Variants in RBFOX1 observed in about 807,000 individuals in gnomAD.
The protein encoded by RBFOX1 is RNA binding protein fox-1 homolog 1.
In RBFOX1, 8 loss-of-function variants were observed where a neutral mutation model predicts 57.7. The observed-to-expected ratio is 0.14, with a 90% confidence interval of 0.08 to 0.25. RBFOX1 has a LOEUF of 0.25. RBFOX1 is among the 10% of genes least tolerant of loss of function. RBFOX1 has a pLI of 1.00. For missense variants in RBFOX1, 611 were observed against 548.5 expected, an observed-to-expected ratio of 1.11 and a Z score of -1.14; for synonymous variants, 326 against 222.4, an observed-to-expected ratio of 1.47 and a Z score of -4.15.
chr16:5,878,431 C>G (rs553087663), intron 4 of RBFOX1, among the ~76,000 whole-genome samples: 3 of 152,256 alleles, frequency 2.0e-5, no homozygotes, highest in Admixed American at 6.5e-5. Context: ...TTATGGGACC[C>G]ACTCAGGGCC....
intron 4 of RBFOX1, among the ~76,000 whole-genome samples, chr16:7,451,276 TCTG>T (rs1299764986): frequency 6.6e-6 from 1 of 152,246 alleles, no homozygotes; most frequent in Non-Finnish European, 1.5e-5. Flanking sequence ...ATGTACTTAT[TCTG>T]TGCAAATTCT....
At chr16:5,636,356 TTAAA>T (rs1422992052) in intron 3 of RBFOX1, among the ~76,000 whole-genome samples, 5 of 152,040 alleles carry the variant, frequency 3.3e-5, no homozygotes, top group African/African-American at 4.8e-5. Flanking sequence ...CTCAAAAAAA[TTAAA>T]TAAATAAAAA....
chr16:7,697,134 G>C (rs569417998), intron 14 of RBFOX1, among the ~76,000 whole-genome samples: 1 of 152,290 alleles, frequency 6.6e-6, no homozygotes, highest in African/African-American at 2.4e-5. Context: ...AACTGCCAAA[G>C]AACAGAAGAA....
rs189561002 is a variant in RBFOX1, at chr16:6,095,992, G to A, written c.-127+76000G>A. ...CCCAGGCCACGATGGGGAAGAGCCT[G>A]GCCTGCCCCAAAGGTGGCCCTTTCA... is the stretch of plus-strand genomic sequence containing the variant. On this transcript the variant is annotated intron_variant, in intron 1 of 15. Transcript: ENST00000550418. Among the ~76,000 whole-genome samples, 38 of 152,324 alleles carry A rather than the reference G, an allele frequency of 2.5e-4. No individual in the cohort carries two copies. In the East Asian group the frequency reaches 6.2e-3, roughly 25 times the overall value.
At chr16:5,499,369 C>G (rs984469728) in intron 2 of RBFOX1, among the ~76,000 whole-genome samples, 1 of 152,132 alleles carries the variant, frequency 6.6e-6, no homozygotes, top group Admixed American at 6.5e-5. Context: ...CTGTCCAGGT[C>G]TCGGATTCCT....
chr16:6,504,226 G>C (rs1033685284), intron 2 of RBFOX1, among the ~76,000 whole-genome samples: 11 of 152,176 alleles, frequency 7.2e-5, no homozygotes, highest in African/African-American at 1.2e-4. Context: ...CACCAACGGT[G>C]TTCTGACAAG....
At chr16:7,363,871 C>G (rs11865520) in intron 4 of RBFOX1, among the ~76,000 whole-genome samples, 26,874 of 151,904 alleles carry the variant, frequency 0.18, 3,825 homozygotes, top group African/African-American at 0.39. Flanking sequence ...GACGGGGCTG[C>G]TTAGCACATG....
chr16:5,963,173 A>G (rs17134932), intron 4 of RBFOX1, among the ~76,000 whole-genome samples: 4,016 of 152,304 alleles, frequency 0.026, 170 homozygotes, highest in African/African-American at 0.092. Flanking sequence ...AGATGCCCAC[A>G]TCCGTCTTTA....
chr16:6,931,291 GTCTGTCTATCTA>G (rs1246297182), intron 3 of RBFOX1, among the ~76,000 whole-genome samples: 16 of 124,036 alleles, frequency 1.3e-4, no homozygotes, highest in African/African-American at 4.0e-4. Flanking sequence ...CTGTCTGTCT[GTCTGTCTATCTA>G]TCTATCTATC....
At chr16:6,993,514 T>A (rs1475451668) in intron 3 of RBFOX1, among the ~76,000 whole-genome samples, 1 of 152,176 alleles carries the variant, frequency 6.6e-6, no homozygotes, top group Non-Finnish European at 1.5e-5. Context: ...GAATCTGTGA[T>A]CAGGAAACCT....
At position 6,911,981 on chromosome 16, in the gene RBFOX1, A is replaced by G. The variant is rs185950068; in HGVS notation, c.-15-140076A>G. ...TTTGAGGCTTGGGAGTAGAAAGAAC[A>G]AGAATAAAGATGTTAAGTAGAGTAA... On this transcript the variant is annotated intron_variant, in intron 3 of 15. Transcript: ENST00000550418. 2.4e-3 allele frequency among the ~76,000 whole-genome samples: 366 copies of G among 152,348 alleles called. 9 individuals carry two copies. Among genetic ancestry groups the G allele is most frequent in the Admixed American group, 0.023 (356 of 15,310 alleles).
At chr16:7,616,222 C>T (rs1381390935) in intron 10 of RBFOX1, among the ~76,000 whole-genome samples, 1 of 152,158 alleles carries the variant, frequency 6.6e-6, no homozygotes, top group African/African-American at 2.4e-5. Flanking sequence ...GAAAAATTAG[C>T]AAAGAGGAAA....
Position 5,909,089 on chromosome 16 carries a change from C to CTTTTTTTTTT in RBFOX1, c.351+41754_351+41755insTTTTTTTTTT, listed in dbSNP as rs1168067500. Among the ~76,000 whole-genome samples the CTTTTTTTTTT allele has an allele frequency of 2.8e-3, 220 of 79,386 alleles. 5 individuals are homozygous for CTTTTTTTTTT. The highest frequency in any genetic ancestry group is 7.7e-3 in the African/African-American group (210 of 27,438). The allele number at this position is 79,386 out of a possible 152,430, so 52.1% of individuals were successfully genotyped here. A position where few individuals can be genotyped will look rare whatever the true frequency, so the allele number is the denominator to read the frequency against. ...TATCGGCTCCAACAGACTAAGCCCC[C>CTTTTTTTTTT]CTTTTTTTTTTTTTTTTTTTTGAGA... On this transcript the variant is annotated intron_variant, in intron 4 of 19. Coordinates refer to the RBFOX1 transcript ENST00000641259.
intron 4 of RBFOX1, among the ~76,000 whole-genome samples, chr16:7,214,460 T>C (rs1185876525): frequency 6.6e-6 from 1 of 152,062 alleles, no homozygotes; most frequent in Non-Finnish European, 1.5e-5. Context: ...TGTCTTGCCA[T>C]GCCTCTCCGA....
intron 3 of RBFOX1, among the ~76,000 whole-genome samples, chr16:6,927,360 C>G (rs576143072): frequency 1.1e-4 from 15 of 132,134 alleles, no homozygotes; most frequent in African/African-American, 4.4e-4. Context: ...TTGCAGTGAG[C>G]TGAGATCGCA....
intron 14 of RBFOX1, among the ~76,000 whole-genome samples, chr16:7,685,097 C>G (rs571166538): frequency 2.6e-5 from 4 of 152,114 alleles, no homozygotes; most frequent in Admixed American, 2.6e-4. Flanking sequence ...AAACCCCAGT[C>G]CCAGCCGTGC....
intron 2 of RBFOX1, among the ~76,000 whole-genome samples, chr16:6,336,206 T>A (rs1311396020): frequency 4.3e-5 from 4 of 93,774 alleles, no homozygotes; most frequent in African/African-American, 2.0e-4. Flanking sequence ...TTTTTTTTTT[T>A]TTTTTTTTTT....
intron 1 of RBFOX1, among the ~76,000 whole-genome samples, chr16:6,086,825 A>G (rs1363251474): frequency 5.3e-5 from 8 of 152,214 alleles, no homozygotes; most frequent in Non-Finnish European, 1.2e-4. Flanking sequence ...TTCCCTAAGC[A>G]CCATTCAGTT....
intron 2 of RBFOX1, among the ~76,000 whole-genome samples, chr16:6,388,067 C>T (rs912522496): frequency 7.0e-5 from 10 of 143,318 alleles, no homozygotes; most frequent in Non-Finnish European, 1.5e-4. Flanking sequence ...GCAACCTCTG[C>T]CTCTCGGGTT....
Sources: allele counts gnomAD v4.1 joint callset (sites outside exome capture counted in the v4.1 genomes callset), GRCh38; gene constraint gnomAD v4.1.1; transcripts MANE v1.5; gene names NCBI Gene and HGNC (gene_info 2026-07-23, HGNC 2026-07-21).